The following NTM variants were observed in gnomAD, a reference collection of about 807,000 sequenced individuals.
The protein encoded by NTM is IgLON family member 2.
Under a neutral mutation model 42.1 loss-of-function variants are expected in NTM, and 13 were observed. The observed-to-expected ratio is 0.31, with a 90% CI of 0.20 to 0.49. The LOEUF (loss-of-function observed/expected upper bound fraction) is 0.49, where lower values mean the gene tolerates loss of function less well. Among genes scored for constraint, NTM ranks in the 20% least tolerant of loss-of-function variants. The probability of loss-of-function intolerance (pLI) is 0.99; values close to 1 mark genes in which losing one functional copy is unlikely to be tolerated. For missense variants in NTM, 373 were observed against 452.8 expected (o/e 0.82, Z 1.60); for synonymous variants, 187 against 179.2 (o/e 1.04, Z -0.35).
intron 1 of NTM, among the ~76,000 whole-genome samples, chr11:131,584,994 G>C (rs150287285): frequency 1.3e-5 from 2 of 151,292 alleles, no homozygotes; most frequent in South Asian, 2.1e-4. Flanking sequence ...GAGGCCAAGG[G>C]GGGTGCAGTG....
At chr11:132,301,166 G>T (rs1383532461) in intron 4 of NTM, among the ~76,000 whole-genome samples, 1 of 152,212 alleles carries the variant, frequency 6.6e-6, no homozygotes, top group Non-Finnish European at 1.5e-5. Flanking sequence ...CAGGGCAGAA[G>T]GGGAAATAAA....
chr11:131,719,977 C>T (rs748805164), intron 1 of NTM, among the ~76,000 whole-genome samples: 1 of 152,156 alleles, frequency 6.6e-6, no homozygotes, highest in African/African-American at 2.4e-5. Flanking sequence ...TGTATTTTTG[C>T]TGTAAGCTGC....
intron 1 of NTM, among the ~76,000 whole-genome samples, chr11:131,749,724 A>G (rs899930499): frequency 4.6e-5 from 7 of 152,018 alleles, no homozygotes; most frequent in Non-Finnish European, 7.4e-5. Flanking sequence ...TCAGCCTCCC[A>G]AGTAGCTGGG....
chr11:131,426,772 T>C (rs911356992), intron 1 of NTM, among the ~76,000 whole-genome samples: 3 of 152,090 alleles, frequency 2.0e-5, no homozygotes, highest in African/African-American at 7.2e-5. Flanking sequence ...TGGGCTTTCT[T>C]GGGGCACGAA....
chr11:131,992,121 A>G (rs2067132224), intron 2 of NTM, among the ~76,000 whole-genome samples: 1 of 152,182 alleles, frequency 6.6e-6, no homozygotes, highest in Non-Finnish European at 1.5e-5. Flanking sequence ...TGAGACAGCA[A>G]GACCAGTTCC....
In NTM at chr11:131,737,294, G is replaced by A. The variant is rs529572601; in HGVS notation, c.83-174270G>A. Among the ~76,000 whole-genome samples the A allele has an allele frequency of 4.6e-5, 7 of 152,272 alleles. No individual in the cohort carries two copies. The East Asian group carries it at 1.4e-3, about 29-fold the overall frequency. On this transcript the variant is annotated intron_variant, in intron 1 of 8. Transcript: ENST00000683400. ...TTCCAAGTGAATTGGAAGGGTCGAA[G>A]CAGAGCCACAGATGCAGGGATGGTG...
chr11:132,166,820 A>G (rs1283508833), intron 3 of NTM, among the ~76,000 whole-genome samples: 1 of 152,156 alleles, frequency 6.6e-6, no homozygotes. Context: ...CATCATTCCT[A>G]GCATTATGGC....
chr11:131,412,103 T>C (rs1565475601), intron 1 of NTM, among the ~76,000 whole-genome samples: 2 of 152,170 alleles, frequency 1.3e-5, no homozygotes, highest in Non-Finnish European at 2.9e-5. Context: ...TTTCCTTTCA[T>C]TGTATTGAAC....
chr11:131,699,837 A>T (rs796484354), intron 1 of NTM, among the ~76,000 whole-genome samples: 13 of 152,090 alleles, frequency 8.5e-5, no homozygotes, highest in African/African-American at 3.1e-4. Context: ...ACACCTGGAG[A>T]TTATAGGAAC....
At chr11:132,293,179 A>G (rs1412774118) in intron 4 of NTM, among the ~76,000 whole-genome samples, 2 of 152,208 alleles carry the variant, frequency 1.3e-5, no homozygotes. Flanking sequence ...GGAAGTCAGT[A>G]GAGAACAGAA....
At chr11:131,774,265 AT>A (rs2086612234) in intron 1 of NTM, 1 of 210,234 alleles carries the variant, frequency 4.8e-6, no homozygotes, top group African/African-American at 2.4e-5. Context: ...TCTTAGTAGC[AT>A]CTCAGGCAGA....
At chr11:131,767,141 G>T in intron 1 of NTM, 2 of 982,414 alleles carry the variant, frequency 2.0e-6, no homozygotes, top group Non-Finnish European at 2.4e-6. Flanking sequence ...AACAGTTCAG[G>T]CTCCAGATTC....
chr11:131,544,981 T>C (rs2053739194), intron 1 of NTM, among the ~76,000 whole-genome samples: 2 of 152,222 alleles, frequency 1.3e-5, no homozygotes, highest in Non-Finnish European at 2.9e-5. Flanking sequence ...ATTATTTTTG[T>C]TGTTCTTGTT....
intron 1 of NTM, 132 bp from the exon 2 acceptor site, chr11:131,911,432 G>T (rs778598364): frequency 5.8e-5 from 94 of 1,612,910 alleles, no homozygotes; most frequent in Non-Finnish European, 8.0e-5. Flanking sequence ...TCGCCCGGGG[G>T]GCGTGTGCCG....
rs1015003346 is a variant in NTM, at chr11:132,003,451, T to C, written c.167+91803T>C. Among the ~76,000 whole-genome samples, 1 of 151,998 alleles carries C rather than the reference T, an allele frequency of 6.6e-6. No homozygotes were observed. Among genetic ancestry groups the C allele is most frequent in the Non-Finnish European group, 1.5e-5 (1 of 68,010 alleles). ...TGTAGAGACAGACTGTCCTTATATT[T>C]CCCAGGCTGCTCTTGAGTTCCTGGG... On this transcript the variant is annotated intron_variant, in intron 2 of 8. Transcript: ENST00000683400. This position sits in a 1 kb window ranked among gnomAD's most constrained non-coding sequence, Gnocchi z 6.0.
chr11:132,079,869 A>G (rs1246245260), intron 2 of NTM, among the ~76,000 whole-genome samples: 1 of 152,218 alleles, frequency 6.6e-6, no homozygotes, highest in African/African-American at 2.4e-5. Context: ...TGGAGTTAAT[A>G]TCACCTAATA....
chr11:131,632,448 A>G (rs535016264), intron 1 of NTM, among the ~76,000 whole-genome samples: 9 of 152,138 alleles, frequency 5.9e-5, no homozygotes, highest in African/African-American at 2.2e-4. Flanking sequence ...CTTGTTTTAT[A>G]TTTACACCCA....
intron 1 of NTM, among the ~76,000 whole-genome samples, chr11:131,827,318 A>G (rs1475401497): frequency 6.6e-6 from 1 of 152,208 alleles, no homozygotes; most frequent in Non-Finnish European, 1.5e-5. Flanking sequence ...TAAGAATCAG[A>G]TGGATCTGGC....
chr11:132,250,409 A>T (rs2091803416), intron 4 of NTM, among the ~76,000 whole-genome samples: 1 of 152,024 alleles, frequency 6.6e-6, no homozygotes, highest in South Asian at 2.1e-4. Flanking sequence ...GAATCTATGG[A>T]TTAATTTTTT....
Sources: allele counts gnomAD v4.1 joint callset (sites outside exome capture counted in the v4.1 genomes callset), GRCh38; gene constraint gnomAD v4.1.1; non-coding constraint Gnocchi (gnomAD v3.1); transcripts MANE v1.5; gene names NCBI Gene and HGNC (gene_info 2026-07-23, HGNC 2026-07-21).